The following NFU1 variants were observed in gnomAD, a reference collection of about 807,000 sequenced individuals.
NFU1 encodes NFU1 iron-sulfur cluster scaffold homolog, mitochondrial.
A neutral mutation model predicts 32.2 loss-of-function variants in NFU1; 30 were observed. The ratio of observed to expected loss-of-function variants is 0.93; its 90% confidence interval spans 0.70 to 1.26. The LOEUF (loss-of-function observed/expected upper bound fraction) is 1.26. NFU1 is among the 50% of genes most tolerant of loss of function. NFU1 has a pLI of 0.00. For synonymous variants in NFU1, 112 were observed against 104.6 expected, an observed-to-expected ratio of 1.07 and a Z score of -0.43; for missense variants, 306 against 306.6, an observed-to-expected ratio of 1.00 and a Z score of 0.02.
At chr2:69,422,633 T>C (rs1003286262) in intron 3 of NFU1, among the ~76,000 whole-genome samples, 3 of 152,110 alleles carry the variant, frequency 2.0e-5, no homozygotes, top group African/African-American at 4.8e-5. Flanking sequence ...TAAGTAAAAA[T>C]ATAAGTTTTT....
upstream of NFU1, among the ~76,000 whole-genome samples, chr2:69,438,112 T>G (rs961924800): frequency 1.3e-5 from 2 of 152,096 alleles, no homozygotes; most frequent in Non-Finnish European, 2.9e-5. Flanking sequence ...GTTCTCAAAG[T>G]GCGGACTAGG....
At chr2:69,431,576 G>C (rs1398700841) in intron 2 of NFU1, among the ~76,000 whole-genome samples, 1 of 152,080 alleles carries the variant, frequency 6.6e-6, no homozygotes, top group Non-Finnish European at 1.5e-5. Context: ...CAAAGTACTG[G>C]GATTACAGGC....
At chr2:69,419,222 G>T (rs1035312365) in intron 4 of NFU1, among the ~76,000 whole-genome samples, 2 of 149,606 alleles carry the variant, frequency 1.3e-5, no homozygotes, top group African/African-American at 2.5e-5. Context: ...GGCGGGGGGG[G>T]GCGCCGAGGC....
At chr2:69,430,516 T>C (rs1207612683) in intron 2 of NFU1, among the ~76,000 whole-genome samples, 5 of 152,070 alleles carry the variant, frequency 3.3e-5, no homozygotes, top group African/African-American at 1.2e-4. Flanking sequence ...TGCCAGCCTA[T>C]TTTTTCCTAT....
At position 69,404,615 on chromosome 2, in the gene NFU1, A is replaced by ATTTT. The variant is rs534309730; in HGVS notation, c.545+1403_545+1406dup. On this transcript the variant is annotated intron_variant, in intron 6 of 7. Transcript: ENST00000410022. Reference sequence around the variant, plus strand: ...CACTTAATAACTACTATCTTAGCAAATTTTTTTTTTTTTTTTTTTTTTTGA... The same window carrying ATTTT: ...CACTTAATAACTACTATCTTAGCAAATTTTTTTTTTTTTTTTTTTTTTTTTTTGA... Among the ~76,000 whole-genome samples the ATTTT allele has an allele frequency of 2.7e-4, 20 of 73,008 alleles. 3 individuals are homozygous for ATTTT. The highest frequency in any genetic ancestry group is 1.4e-3 in the East Asian group (4 of 2,910). 47.9% of individuals were successfully genotyped at this position (73,008 alleles called of 152,430 possible). A position where few individuals can be genotyped will look rare whatever the true frequency, so the allele number is the denominator to read the frequency against.
At chr2:69,437,086 A>T (rs909776756) in intron 1 of NFU1, among the ~76,000 whole-genome samples, 4 of 152,248 alleles carry the variant, frequency 2.6e-5, no homozygotes, top group Non-Finnish European at 5.9e-5. Context: ...CTCTACAGCC[A>T]GTCTCTACAA....
At chr2:69,420,510 G>T (rs1015231720) in intron 3 of NFU1, among the ~76,000 whole-genome samples, 1 of 152,148 alleles carries the variant, frequency 6.6e-6, no homozygotes, top group African/African-American at 2.4e-5. Flanking sequence ...CCTGTTATCA[G>T]TTTCGTGTGT....
intron 4 of NFU1, among the ~76,000 whole-genome samples, chr2:69,416,491 T>G (rs1673059485): frequency 6.6e-6 from 1 of 150,796 alleles, no homozygotes; most frequent in Non-Finnish European, 1.5e-5. Context: ...AAGAAGATGA[T>G]AAAGAGATTC....
In NFU1 at chr2:69,423,248, G is replaced by A. The variant is rs1380824166; in HGVS notation, c.302+334C>T. On this transcript the variant is annotated intron_variant, in intron 3 of 7. Coordinates refer to ENST00000410022, the MANE Select transcript of NFU1 (RefSeq NM_001002755.4). ...AGAGATGGGCTCTCTGTGTGAGTGT[G>A]TGTGTGTGTGTGTGTGTGTGTGTGT... 2.0e-4 allele frequency among the ~76,000 whole-genome samples: 3 copies of A among 15,098 alleles called. 1 individual carries two copies. The highest frequency in any genetic ancestry group is 2.3e-3 in the African/African-American group (2 of 854). 9.9% of individuals were successfully genotyped at this position (15,098 alleles called of 152,430 possible). A position where few individuals can be genotyped will look rare whatever the true frequency, so the allele number is the denominator to read the frequency against.
chr2:69,427,369 G>A (rs572703657), intron 2 of NFU1, among the ~76,000 whole-genome samples: 16 of 137,732 alleles, frequency 1.2e-4, no homozygotes, highest in Non-Finnish European at 2.2e-4. Flanking sequence ...TGGGCAAAAA[G>A]AGCAAAACTC....
chr2:69,405,944 T>C (rs1414936721), intron 6 of NFU1, 78 bp downstream of exon 6: 33 of 903,376 alleles, frequency 3.7e-5, no homozygotes, highest in Non-Finnish European at 1.3e-5. Context: ...TATAATCTCA[T>C]GGCCAACTAA....
intron 4 of NFU1, among the ~76,000 whole-genome samples, chr2:69,418,470 CT>C (rs1491456258): frequency 6.6e-6 from 1 of 151,994 alleles, no homozygotes; most frequent in African/African-American, 2.4e-5. Context: ...AGTATGTCCC[CT>C]TTTTTTCTTT....
At chr2:69,406,707 G>A (rs999390150) in intron 5 of NFU1, among the ~76,000 whole-genome samples, 3 of 152,008 alleles carry the variant, frequency 2.0e-5, no homozygotes, top group Admixed American at 6.6e-5. Context: ...AGTAGTTTGG[G>A]ACCACAGGTG....
chr2:69,419,043 G>A (rs928376514), intron 4 of NFU1, among the ~76,000 whole-genome samples: 4 of 152,082 alleles, frequency 2.6e-5, no homozygotes, highest in Non-Finnish European at 5.9e-5. Context: ...TTATAGGCGT[G>A]GTGGCTCACG....
At chr2:69,400,634 A>G in intron 6 of NFU1, 96 bp from the exon 7 acceptor site, 19 of 1,025,794 alleles carry the variant, frequency 1.9e-5, no homozygotes, top group Non-Finnish European at 2.8e-5. Context: ...TTATATTAGT[A>G]AAATTCACAA....
chr2:69,423,554 G>A lies in NFU1; in HGVS notation c.302+28C>T, dbSNP rs373729126. On this transcript the variant is annotated intron_variant, in intron 3 of 7. Coordinates refer to ENST00000410022, the MANE Select transcript of NFU1 (RefSeq NM_001002755.4). ...GTCAGTTAGTTATTTATGTTTCTTG[G>A]TAAAAGCAAATGAAAACAGTAATAT... is the stretch of plus-strand genomic sequence containing the variant. 1.4e-5 allele frequency: 23 copies of A among 1,603,836 alleles called. No individual in the cohort carries two copies. In the African/African-American group the frequency reaches 3.1e-4, roughly 22 times the overall value.
At chr2:69,413,102 T>C (rs1047929386) in intron 5 of NFU1, among the ~76,000 whole-genome samples, 1 of 151,076 alleles carries the variant, frequency 6.6e-6, no homozygotes, top group Non-Finnish European at 1.5e-5. Context: ...CCAGCCAACA[T>C]GGTGAAACCC....
rs769195602 is a variant in NFU1 at position 69,437,346 on chromosome 2, A to G, written c.62+15T>C. On this transcript the variant is annotated intron_variant, in intron 1 of 7. Coordinates refer to ENST00000410022, the MANE Select transcript of NFU1 (RefSeq NM_001002755.4). ...CAGCGGCACACCTATTCGGAGCTCC[A>G]GGCTCGTCACCTACCGCCTGCGCAG... is the stretch of plus-strand genomic sequence containing the variant. The G allele has an allele frequency of 1.2e-6, 2 of 1,604,502 alleles. No homozygotes were observed. The highest frequency in any genetic ancestry group is 2.7e-5 in the African/African-American group (2 of 74,998).
chr2:69,401,900 T>C (rs1344836325), intron 6 of NFU1, among the ~76,000 whole-genome samples: 1 of 46,428 alleles, frequency 2.2e-5, no homozygotes, highest in African/African-American at 1.1e-4. Context: ...CTTTTTTCCT[T>C]TTTTTTTTTT....
Sources: allele counts gnomAD v4.1 joint callset (sites outside exome capture counted in the v4.1 genomes callset), GRCh38; gene constraint gnomAD v4.1.1; transcripts MANE v1.5; gene names NCBI Gene and HGNC (gene_info 2026-07-23, HGNC 2026-07-21).